The following RANBP2 variants were observed in gnomAD, a reference collection of about 807,000 sequenced individuals.
The protein encoded by RANBP2 is RAN binding protein 2, also known as E3 SUMO-protein ligase RanBP2.
In RANBP2, 57 loss-of-function variants were observed where a neutral mutation model predicts 303.6. The observed-to-expected ratio is 0.19, with a 90% CI of 0.15 to 0.23. The LOEUF is 0.23. Among genes scored for constraint, RANBP2 ranks in the 10% least tolerant of loss-of-function variants. The pLI is 1.00. For missense variants in RANBP2, 3,138 were observed against 3,780.8 expected, an observed-to-expected ratio of 0.83 and a Z score of 4.46; for synonymous variants, 1,167 against 1,301.5, an observed-to-expected ratio of 0.90 and a Z score of 2.23.
chr2:108,750,307 CTT>C (rs1301434721), intron 9 of RANBP2, among the ~76,000 whole-genome samples: 2 of 152,188 alleles, frequency 1.3e-5, no homozygotes, highest in African/African-American at 2.4e-5. Context: ...GCAATATAAT[CTT>C]TTTTATGAAG....
chr2:108,907,973 C>T, the RANBP2 span: 59 of 1,612,418 alleles, frequency 3.7e-5, no homozygotes, highest in African/African-American at 2.4e-4. Flanking sequence ...TCACTGTCGA[C>T]GCTCCGGCTC....
chr2:109,437,480 A>G, the RANBP2 span, among the ~76,000 whole-genome samples: 3 of 152,330 alleles, frequency 2.0e-5, no homozygotes, highest in African/African-American at 4.8e-5. Flanking sequence ...CATTGTGGCA[A>G]GAGGGCCTCA....
the RANBP2 span, among the ~76,000 whole-genome samples, chr2:109,227,790 C>G: frequency 6.6e-6 from 1 of 152,246 alleles, no homozygotes. Flanking sequence ...CCCCAGCCAA[C>G]TGGAGTCAAC....
chr2:108,898,260 A>G, the RANBP2 span, among the ~76,000 whole-genome samples: 1 of 152,122 alleles, frequency 6.6e-6, no homozygotes, highest in Non-Finnish European at 1.5e-5. Flanking sequence ...CCATGTAGGG[A>G]GCTGGGGCTT....
In RANBP2 at chr2:108,753,472, C is replaced by G. The variant is rs1212204319; in HGVS notation, c.1964C>G (p.Ala655Gly). 6.2e-7 allele frequency: 1 copy of G among 1,611,740 alleles called. No individual in the cohort carries two copies. The highest frequency in any genetic ancestry group is 8.5e-7 in the Non-Finnish European group (1 of 1,179,824). Residue 655 changes from alanine (A) to glycine (G), a missense_variant, in exon 14 of 29, where the codon GCT becomes GGT. Physicochemically the swap from Ala to Gly is moderately conservative, Grantham distance 60. Coordinates refer to ENST00000283195, the MANE Select transcript of RANBP2 (RefSeq NM_006267.5). ...GAAGAAGACGCACACATAACTTTTG[C>G]TATATTGGATGCAGTAAATGGAAAT... ...EYEEDAHITF[A>G]ILDAVNGNIE...
Position 108,763,979 on chromosome 2 carries a change from T to A in RANBP2, c.3440T>A (p.Leu1147Ter). 6.2e-7 allele frequency: 1 copy of A among 1,613,970 alleles called. No homozygotes were observed. Among genetic ancestry groups the A allele is most frequent in the South Asian group, 1.1e-5 (1 of 91,076 alleles). The change falls in exon 20 of 29, where the codon TTA becomes TAA. Residue 1147 changes from leucine to a stop codon, truncating the protein, a stop_gained. Transcript: ENST00000283195. LOFTEE classifies it high-confidence loss of function. ...PGKSVFGTPT[L>*]ETANKNHETD... ...AAATCAGTATTTGGAACACCCACTTTAGAGACAGCAAACAAGAATCATGAG... is the reference window on the plus strand; with the variant it reads ...AAATCAGTATTTGGAACACCCACTTAAGAGACAGCAAACAAGAATCATGAG...
At chr2:108,849,980 G>A in the RANBP2 span, among the ~76,000 whole-genome samples, 1 of 152,238 alleles carries the variant, frequency 6.6e-6, no homozygotes, top group Non-Finnish European at 1.5e-5. Flanking sequence ...TCAACAGGAT[G>A]CATGGGCCAG....
the RANBP2 span, among the ~76,000 whole-genome samples, chr2:108,917,489 T>C: frequency 1.3e-5 from 2 of 152,216 alleles, no homozygotes; most frequent in African/African-American, 4.8e-5. Flanking sequence ...CATGACACTT[T>C]GTATACATGT....
the RANBP2 span, chr2:108,794,855 C>G: frequency 1.5e-6 from 1 of 678,006 alleles, no homozygotes; most frequent in South Asian, 2.2e-5. Context: ...CGGAAGGGGA[C>G]AAACTCAAAT....
the RANBP2 span, among the ~76,000 whole-genome samples, chr2:109,296,636 G>C: frequency 8.0e-3 from 1,213 of 152,258 alleles, 12 homozygotes; most frequent in East Asian, 0.038. Context: ...AAATGAGCTG[G>C]GCCCTGCACC....
the RANBP2 span, among the ~76,000 whole-genome samples, chr2:109,063,902 A>T: frequency 6.6e-6 from 1 of 151,814 alleles, no homozygotes; most frequent in Admixed American, 6.6e-5. Flanking sequence ...ATTCGGCAAT[A>T]ATTGGTAGGT....
the RANBP2 span, among the ~76,000 whole-genome samples, chr2:109,389,792 T>TC: frequency 6.6e-6 from 1 of 152,114 alleles, no homozygotes; most frequent in African/African-American, 2.4e-5. Context: ...CATTGGTACA[T>TC]CAGAATATAA....
chr2:108,806,585 C>T, the RANBP2 span, among the ~76,000 whole-genome samples: 1 of 152,076 alleles, frequency 6.6e-6, no homozygotes, highest in Non-Finnish European at 1.5e-5. Flanking sequence ...CTTTCAGTGA[C>T]CCAGCTCTGC....
At chr2:109,432,496 C>G in the RANBP2 span, 1 of 1,612,974 alleles carries the variant, frequency 6.2e-7, no homozygotes, top group Middle Eastern at 1.7e-4. Context: ...ATGCTTTGCC[C>G]GCAGGTACCT....
the RANBP2 span, among the ~76,000 whole-genome samples, chr2:108,809,448 T>TTGTGTGTGTGTGTG: frequency 1.4e-5 from 2 of 141,138 alleles, no homozygotes; most frequent in East Asian, 2.1e-4. Context: ...ACATGAAATG[T>TTGTGTGTGTGTGTG]TGTGTGTGTG....
At chr2:109,035,856 C>T in the RANBP2 span, among the ~76,000 whole-genome samples, 2 of 152,074 alleles carry the variant, frequency 1.3e-5, no homozygotes, top group African/African-American at 4.8e-5. Context: ...TCATAAACAC[C>T]CAAAACTACA....
At position 108,766,031 on chromosome 2, in the gene RANBP2, A is replaced by G; in HGVS notation, c.5492A>G (p.Asp1831Gly). Residue 1831 changes from aspartate (D) to glycine (G), a missense_variant, in exon 20 of 29, where the codon GAC becomes GGC. Around this residue, in one of 20 missense-constraint regions of RANBP2, gnomAD observed 348 missense variants for 360.4 expected, o/e 0.97. Coordinates refer to ENST00000283195, the MANE Select transcript of RANBP2 (RefSeq NM_006267.5). The stretch of plus-strand genomic sequence containing the variant: ...CTGGGCTCAGAAATGAAGTTGCATG[A>G]CTCTTCTGGAAGTCAGGTGGGAACA... The part of the protein sequence containing the change: ...FTLGSEMKLH[D>G]SSGSQVGTGF... 1.2e-6 allele frequency: 2 copies of G among 1,614,092 alleles called. No homozygotes were observed. Among genetic ancestry groups the G allele is most frequent in the Non-Finnish European group, 1.7e-6 (2 of 1,179,990 alleles).
the RANBP2 span, among the ~76,000 whole-genome samples, chr2:109,680,350 A>G: frequency 0.99 from 149,943 of 151,064 alleles, 74,427 homozygotes; most frequent in Middle Eastern, 1. Context: ...CAGCCTAGGC[A>G]ACAGAGCGAG....
the RANBP2 span, among the ~76,000 whole-genome samples, chr2:108,963,891 T>C: frequency 3.9e-5 from 6 of 152,098 alleles, no homozygotes; most frequent in Non-Finnish European, 7.4e-5. Flanking sequence ...CAGATGACCA[T>C]AGACTGAGGA....
Sources: gnomAD v4.1 joint callset for allele counts (sites outside exome capture counted in the v4.1 genomes callset) on GRCh38, gnomAD v4.1.1 for gene constraint, gnomAD v4.1.1 regional missense constraint, MANE v1.5 for transcripts, NCBI Gene and HGNC (gene_info 2026-07-23, HGNC 2026-07-21) for gene names.